WNT2B: variants seen among roughly 807,000 people sequenced by gnomAD.
WNT2B encodes Wnt family member 2B.
A neutral mutation model predicts 40.5 loss-of-function variants in WNT2B; 19 were observed. The ratio of observed to expected loss-of-function variants is 0.47; its 90% CI spans 0.33 to 0.69. The LOEUF (loss-of-function observed/expected upper bound fraction) is 0.69, where lower values mean the gene tolerates loss of function less well. Ranked by LOEUF, WNT2B falls within the 30% of genes least tolerant of loss-of-function variation. The probability of loss-of-function intolerance (pLI) is 0.02; values close to 1 mark genes in which losing one functional copy is unlikely to be tolerated. For synonymous variants in WNT2B, 220 were observed against 211.9 expected (o/e 1.04, Z -0.33); for missense variants, 467 against 556.4 (o/e 0.84, Z 1.62).
At chr1:112,514,188 C>T (rs1652445960) in intron 1 of WNT2B, among the ~76,000 whole-genome samples, 1 of 152,130 alleles carries the variant, frequency 6.6e-6, no homozygotes. Flanking sequence ...CAGGTCCATC[C>T]AGGTTGGGGA....
chr1:112,497,749 A>T (rs912434456), intron 1 of WNT2B, among the ~76,000 whole-genome samples: 5 of 152,128 alleles, frequency 3.3e-5, no homozygotes, highest in African/African-American at 1.2e-4. Context: ...CGAGGCTGAG[A>T]ATTTTCCAAA....
Position 112,524,024 on chromosome 1 carries a change from CAAAA to C in WNT2B, c.*3517_*3520del. 1 of 151,364 alleles carries C rather than the reference CAAAA, an allele frequency of 6.6e-6. No individual in the cohort carries two copies. Among genetic ancestry groups the C allele is most frequent in the East Asian group, 2.0e-4 (1 of 5,120 alleles). 9.4% of individuals were successfully genotyped at this position (151,364 alleles called of 1,614,324 possible). On this transcript the variant is annotated 3_prime_UTR_variant, in exon 5 of 5. Transcript: ENST00000369684. ...AAAAAAAAAAACAAAAAACAAAAAACAAAAACAAACATTGCCTGGCCCTGAGGGT... is the reference window on the plus strand; with the variant it reads ...AAAAAAAAAAACAAAAAACAAAAAACACAAACATTGCCTGGCCCTGAGGGT...
In WNT2B at chr1:112,515,125, C is replaced by G; in HGVS notation, c.403+31C>G. On this transcript the variant is annotated intron_variant, in intron 2 of 4. Coordinates refer to ENST00000369684, the MANE Select transcript of WNT2B (RefSeq NM_024494.3). This position sits in a 1 kb window ranked among gnomAD's most constrained non-coding sequence, Gnocchi z 4.4. Reference sequence around the variant, plus strand: ...AGCCTCTTCCATCCTGTGTCAGCTCCTTCCCTTTCTGTGCTGGGGGTGGTG... The same window carrying G: ...AGCCTCTTCCATCCTGTGTCAGCTCGTTCCCTTTCTGTGCTGGGGGTGGTG... 6.2e-7 allele frequency: 1 copy of G among 1,603,020 alleles called. No individual in the cohort carries two copies. The highest frequency in any genetic ancestry group is 8.5e-7 in the Non-Finnish European group (1 of 1,173,552).
intron 1 of WNT2B, among the ~76,000 whole-genome samples, chr1:112,468,641 GATTATT>G (rs966893330): frequency 6.6e-6 from 1 of 151,572 alleles, no homozygotes; most frequent in African/African-American, 2.4e-5. Context: ...ATTTTAATGG[GATTATT>G]ATTATTATTA....
chr1:112,488,060 A>G (rs1478344681), intron 1 of WNT2B, among the ~76,000 whole-genome samples: 1 of 151,738 alleles, frequency 6.6e-6, no homozygotes, highest in Non-Finnish European at 1.5e-5. Context: ...TTGAGAGGCC[A>G]AGGCGGGCAA....
rs1653600343 is a variant in WNT2B, at chr1:112,527,291, A to C, written c.*6782A>C. The C allele has an allele frequency of 6.6e-6, 1 of 152,348 alleles. No individual in the cohort carries two copies. Among genetic ancestry groups the C allele is most frequent in the South Asian group, 2.1e-4 (1 of 4,830 alleles). The allele number at this position is 152,348 out of a possible 1,614,324, so 9.4% of individuals were successfully genotyped here. A position where few individuals can be genotyped will look rare whatever the true frequency, so the allele number is the denominator to read the frequency against. On this transcript the variant is annotated 3_prime_UTR_variant, in exon 5 of 5. Transcript: ENST00000369684. ...GGGCCCCTACTTGAGCTAGGAGAAG[A>C]ACACCTCATGAAAACAGTCTACCTA... is the stretch of plus-strand genomic sequence containing the variant.
In WNT2B at chr1:112,526,282, C is replaced by T; in HGVS notation, c.*5773C>T. 1 of 713,136 alleles carries T rather than the reference C, an allele frequency of 1.4e-6. No individual in the cohort carries two copies. The highest frequency in any genetic ancestry group is 2.6e-5 in the East Asian group (1 of 38,278). 44.2% of individuals were successfully genotyped at this position (713,136 alleles called of 1,614,324 possible). On this transcript the variant is annotated 3_prime_UTR_variant, in exon 5 of 5. Transcript: ENST00000369684. ...ACTATTACCACCAGTACCATGTGAC[C>T]ACTATACAACATATTCCACATTTAA...
At chr1:112,519,872 CTTT>C (rs71081244) in intron 4 of WNT2B, among the ~76,000 whole-genome samples, 16 of 115,636 alleles carry the variant, frequency 1.4e-4, no homozygotes, top group South Asian at 2.7e-4. Flanking sequence ...GCCCATGCTT[CTTT>C]TTTTTTTTTT....
At position 112,520,717 on chromosome 1, in the gene WNT2B, A is replaced by T. The variant is rs1652826113; in HGVS notation, c.*208A>T. On this transcript the variant is annotated 3_prime_UTR_variant, in exon 5 of 5. Transcript: ENST00000369684. ...GTCAGGGGATATAAGAAACTGAGCA[A>T]GCTCCCTGATTTCCCGCTCTGGAGA... The T allele has an allele frequency of 1.7e-6, 1 of 601,412 alleles. No homozygotes were observed. The highest frequency in any genetic ancestry group is 3.0e-5 in the Admixed American group (1 of 33,744). The allele number at this position is 601,412 out of a possible 1,614,324, so 37.3% of individuals were successfully genotyped here. A position where few individuals can be genotyped will look rare whatever the true frequency, so the allele number is the denominator to read the frequency against.
intron 1 of WNT2B, among the ~76,000 whole-genome samples, chr1:112,472,061 A>G (rs1435531719): frequency 6.6e-6 from 1 of 151,714 alleles, no homozygotes; most frequent in African/African-American, 2.4e-5. Flanking sequence ...TCTCACACCT[A>G]AAAAAAAACT....
At chr1:112,480,516 C>T (rs1651194258) in intron 1 of WNT2B, among the ~76,000 whole-genome samples, 1 of 151,784 alleles carries the variant, frequency 6.6e-6, no homozygotes, top group Non-Finnish European at 1.5e-5. Context: ...AACATACAAC[C>T]TACCAAAACT....
At position 112,520,276 on chromosome 1, in the gene WNT2B, C is replaced by T; in HGVS notation, c.947-4C>T. On this transcript the variant is annotated splice_polypyrimidine_tract_variant and splice_region_variant and intron_variant, in intron 4 of 4. Coordinates refer to ENST00000369684, the MANE Select transcript of WNT2B (RefSeq NM_024494.3). ...GTTCTCACTCCCTCTCTTCCCCAAC[C>T]CAGGTTCCCTAGGCACTGCAGGCCG... The T allele has an allele frequency of 1.2e-6, 2 of 1,613,178 alleles. No individual in the cohort carries two copies. The highest frequency in any genetic ancestry group is 1.7e-6 in the Non-Finnish European group (2 of 1,179,594).
chr1:112,508,748 G>A (rs1652218238), upstream of WNT2B: 1 of 986,402 alleles, frequency 1.0e-6, no homozygotes. The surrounding 1 kb of genome is among the most constrained non-coding windows in gnomAD (Gnocchi z 4.2). Flanking sequence ...GGCGCAGGAG[G>A]GAGCCGCGGC....
intron 1 of WNT2B, among the ~76,000 whole-genome samples, chr1:112,494,203 G>C (rs541829989): frequency 6.6e-6 from 1 of 151,110 alleles, no homozygotes; most frequent in Non-Finnish European, 1.5e-5. Context: ...CCAGCTACTC[G>C]GGAGGCTGAG....
Position 112,515,989 on chromosome 1 carries a change from A to G in WNT2B, c.404-151A>G. ...AGATACTCTGGGGAATGCTCTTGGA[A>G]ATGAAAGGCACCTTGAATAAAGGGG... On this transcript the variant is annotated intron_variant, in intron 2 of 4. Coordinates refer to ENST00000369684, the MANE Select transcript of WNT2B (RefSeq NM_024494.3). This position sits in a 1 kb window ranked among gnomAD's most constrained non-coding sequence, Gnocchi z 4.4. 1.0e-6 allele frequency: 1 copy of G among 979,994 alleles called. No individual in the cohort carries two copies. Among genetic ancestry groups the G allele is most frequent in the Non-Finnish European group, 1.5e-6 (1 of 674,776 alleles). The allele number at this position is 979,994 out of a possible 1,614,324, so 60.7% of individuals were successfully genotyped here.
chr1:112,511,489 T>C (rs977668746), intron 1 of WNT2B, among the ~76,000 whole-genome samples: 2 of 152,208 alleles, frequency 1.3e-5, no homozygotes, highest in African/African-American at 2.4e-5. Flanking sequence ...ACCAGCAAGA[T>C]TGATGTTCTG....
chr1:112,511,150 C>T (rs574017333), intron 1 of WNT2B, among the ~76,000 whole-genome samples: 5 of 152,118 alleles, frequency 3.3e-5, no homozygotes, highest in Non-Finnish European at 7.4e-5. Context: ...CTCTTGACTA[C>T]TCCCTCTCCC....
intron 1 of WNT2B, among the ~76,000 whole-genome samples, chr1:112,497,311 T>C (rs1353290754): frequency 6.6e-6 from 1 of 152,240 alleles, no homozygotes. Context: ...TGAGGTTGTC[T>C]GAGGCATCCT....
chr1:112,470,204 A>G (rs953863124), intron 1 of WNT2B, among the ~76,000 whole-genome samples: 7 of 152,234 alleles, frequency 4.6e-5, no homozygotes, highest in Admixed American at 1.3e-4. Context: ...TTTCTGGGAA[A>G]GTCTTTATTT....
Sources: allele counts gnomAD v4.1 joint callset (sites outside exome capture counted in the v4.1 genomes callset), GRCh38; gene constraint gnomAD v4.1.1; non-coding constraint Gnocchi (gnomAD v3.1); transcripts MANE v1.5; gene names NCBI Gene and HGNC (gene_info 2026-07-23, HGNC 2026-07-21).